FBXL5: variants seen among roughly 807,000 people sequenced by gnomAD.
The protein encoded by FBXL5 is F-box/LRR-repeat protein 5.
A neutral mutation model predicts 78.3 loss-of-function variants in FBXL5; 26 were observed. The observed-to-expected ratio is 0.33, with a 90% CI of 0.24 to 0.46. FBXL5 has a LOEUF of 0.46. Among genes scored for constraint, FBXL5 ranks in the 20% least tolerant of loss-of-function variants. The probability of loss-of-function intolerance (pLI) is 1.00; values close to 1 mark genes in which losing one functional copy is unlikely to be tolerated. For missense variants in FBXL5, 710 were observed against 829.2 expected (o/e 0.86, Z 1.77); for synonymous variants, 295 against 282.5 (o/e 1.04, Z -0.45).
At chr4:15,647,284 C>CAAT in intron 1 of FBXL5, among the ~76,000 whole-genome samples, 1 of 134,152 alleles carries the variant, frequency 7.5e-6, no homozygotes, top group East Asian at 2.2e-4. Flanking sequence ...ACAACAACAA[C>CAAT]AAAAAACAAT....
intron 1 of FBXL5, among the ~76,000 whole-genome samples, chr4:15,646,930 G>A (rs1162810535): frequency 6.6e-6 from 1 of 151,784 alleles, no homozygotes; most frequent in Non-Finnish European, 1.5e-5. Flanking sequence ...AACCAACTGT[G>A]GATTGAAAAA....
chr4:15,637,780 T>C (rs1035945841), intron 4 of FBXL5, among the ~76,000 whole-genome samples: 32 of 151,044 alleles, frequency 2.1e-4, no homozygotes, highest in African/African-American at 7.3e-4. Flanking sequence ...CTTTGTTAAA[T>C]AAAAATAAAA....
rs1177031272 is a variant in FBXL5 at position 15,604,532 on chromosome 4, C to A, written c.*1191G>T. 1 of 151,974 alleles carries A rather than the reference C, an allele frequency of 6.6e-6. No individual in the cohort carries two copies. The highest frequency in any genetic ancestry group is 1.5e-5 in the Non-Finnish European group (1 of 68,000). The allele number at this position is 151,974 out of a possible 1,614,324, so 9.4% of individuals were successfully genotyped here. A position where few individuals can be genotyped will look rare whatever the true frequency, so the allele number is the denominator to read the frequency against. On this transcript the variant is annotated 3_prime_UTR_variant, in exon 11 of 11. Transcript: ENST00000341285. ...ATACTCCAAGAATTATCACAATATA[C>A]GAGACATGAAAGGAGAAGTTTTATT...
chr4:15,662,966 C>T (rs1717385271), upstream of FBXL5, among the ~76,000 whole-genome samples: 1 of 152,216 alleles, frequency 6.6e-6, no homozygotes, highest in African/African-American at 2.4e-5. Context: ...AGCATATTGA[C>T]CTAGTGTGCA....
intron 4 of FBXL5, among the ~76,000 whole-genome samples, chr4:15,637,596 A>T (rs75410879): frequency 6.6e-6 from 1 of 152,316 alleles, no homozygotes; most frequent in East Asian, 1.9e-4. Context: ...ATAAAATGTA[A>T]TAAGTGTGAT....
chr4:15,615,871 C>T (rs911904613), intron 9 of FBXL5, among the ~76,000 whole-genome samples: 2 of 152,128 alleles, frequency 1.3e-5, no homozygotes, highest in African/African-American at 2.4e-5. Context: ...GCATTGGCAA[C>T]CCGCTCAGGT....
chr4:15,635,887 T>A (rs1216705440), intron 5 of FBXL5, among the ~76,000 whole-genome samples: 1 of 152,132 alleles, frequency 6.6e-6, no homozygotes, highest in Non-Finnish European at 1.5e-5. Flanking sequence ...AAATTTTCTT[T>A]AACTGTTCAC....
chr4:15,624,454 A>G (rs1276386655), intron 9 of FBXL5, among the ~76,000 whole-genome samples: 4 of 152,104 alleles, frequency 2.6e-5, no homozygotes, highest in Non-Finnish European at 5.9e-5. Flanking sequence ...TCAGTGCACC[A>G]TGGTATTTTC....
intron 2 of FBXL5, chr4:15,641,485 C>T (rs1296327024): frequency 5.1e-5 from 18 of 350,900 alleles, no homozygotes; most frequent in South Asian, 1.8e-4. Context: ...TTTTTTCTTC[C>T]GTATGATGTT....
rs531140858 is a variant in FBXL5 at position 15,625,920 on chromosome 4, C to T, written c.1182G>A (p.Glu394=). The T allele has an allele frequency of 6.2e-7, 1 of 1,613,384 alleles. No homozygotes were observed. Among genetic ancestry groups the T allele is most frequent in the Non-Finnish European group, 8.5e-7 (1 of 1,179,812 alleles). ...SLRHLDLSGC[E]KITDVALEKI... is the part of the protein sequence containing the mutation. ...TCTCTAGGGCCACATCTGTGATTTT[C>T]TCACAACCAGACAGATCAAGATGCC... Residue 394 remains glutamate (E), a synonymous_variant, in exon 9 of 11, where the codon GAG becomes GAA. Coordinates refer to ENST00000341285, the MANE Select transcript of FBXL5 (RefSeq NM_012161.4).
chr4:15,608,910 G>A (rs1722059783), intron 10 of FBXL5, among the ~76,000 whole-genome samples: 1 of 152,146 alleles, frequency 6.6e-6, no homozygotes, highest in Non-Finnish European at 1.5e-5. Flanking sequence ...TTTAAACTCA[G>A]TATCACATTG....
chr4:15,628,541 AGAAT>A (rs1713295924), intron 6 of FBXL5, among the ~76,000 whole-genome samples: 1 of 152,218 alleles, frequency 6.6e-6, no homozygotes. Flanking sequence ...TACACTAAAA[AGAAT>A]GAATAATTGT....
At chr4:15,635,493 T>A (rs1369643791) in intron 5 of FBXL5, among the ~76,000 whole-genome samples, 1 of 151,178 alleles carries the variant, frequency 6.6e-6, no homozygotes, top group African/African-American at 2.4e-5. Context: ...GTGGCTCACA[T>A]CTGCAATTAC....
chr4:15,650,330 C>T (rs1715845492), intron 1 of FBXL5, among the ~76,000 whole-genome samples: 1 of 152,200 alleles, frequency 6.6e-6, no homozygotes, highest in South Asian at 2.1e-4. Flanking sequence ...TCCAGATTCA[C>T]ACGCATCACA....
intron 7 of FBXL5, among the ~76,000 whole-genome samples, chr4:15,627,591 T>A (rs1419204362): frequency 1.3e-5 from 2 of 152,190 alleles, no homozygotes; most frequent in African/African-American, 2.4e-5. Context: ...ATTTAAAAAA[T>A]CACATAAAAC....
upstream of FBXL5, among the ~76,000 whole-genome samples, chr4:15,661,157 C>G (rs1167697407): frequency 6.6e-6 from 1 of 152,074 alleles, no homozygotes; most frequent in Non-Finnish European, 1.5e-5. Context: ...TAGTTCCATT[C>G]ACTTTCCCTA....
At chr4:15,650,572 A>G (rs1389249343) in intron 1 of FBXL5, among the ~76,000 whole-genome samples, 1 of 152,078 alleles carries the variant, frequency 6.6e-6, no homozygotes, top group Non-Finnish European at 1.5e-5. Flanking sequence ...CAAATTCAAC[A>G]AAGAACTTAT....
intron 3 of FBXL5, among the ~76,000 whole-genome samples, chr4:15,639,729 A>T (rs1714644920): frequency 6.6e-6 from 1 of 152,214 alleles, no homozygotes; most frequent in South Asian, 2.1e-4. Context: ...GCCCTGAAAA[A>T]ATACCCAGGT....
chr4:15,614,420 C>T lies in FBXL5; in HGVS notation c.1851-2006G>A, dbSNP rs182708496. Among the ~76,000 whole-genome samples, 44 of 152,256 alleles carry T rather than the reference C, an allele frequency of 2.9e-4. No individual in the cohort carries two copies. In the East Asian group the frequency reaches 7.9e-3, roughly 27 times the overall value. The stretch of plus-strand genomic sequence containing the variant: ...CTGGTTGGCCTCCAGCCAGGAGGTG[C>T]CACTTTCAAGAAAGCATCAGCTGCA... On this transcript the variant is annotated intron_variant, in intron 9 of 10. Transcript: ENST00000341285.
Sources: allele counts gnomAD v4.1 joint callset (sites outside exome capture counted in the v4.1 genomes callset), GRCh38; gene constraint gnomAD v4.1.1; transcripts MANE v1.5; gene names NCBI Gene and HGNC (gene_info 2026-07-23, HGNC 2026-07-21).